FAM78A: variants seen among roughly 807,000 people sequenced by gnomAD.
FAM78A encodes family with sequence similarity 78 member A.
Under a neutral mutation model 22.6 loss-of-function variants are expected in FAM78A, and 12 were observed. The ratio of observed to expected loss-of-function variants is 0.53; its 90% CI spans 0.34 to 0.86. The LOEUF is 0.86. Ranked by LOEUF, FAM78A falls within the 40% of genes least tolerant of loss-of-function variation. The probability of loss-of-function intolerance (pLI) is 0.02; values close to 1 mark genes in which losing one functional copy is unlikely to be tolerated. For synonymous variants in FAM78A, 151 were observed against 155.8 expected (o/e 0.97, Z 0.23); for missense variants, 322 against 396.1 (o/e 0.81, Z 1.59).
rs1047926520 is a variant in FAM78A, at chr9:131,259,784, G to C, written c.*1038C>G. ...CTGTGTGTCGGCGGTCCAGGTGGCC[G>C]GCCCCCAGGCATTTGGGACCAGTGT... On this transcript the variant is annotated 3_prime_UTR_variant, in exon 2 of 2. Coordinates refer to ENST00000372271, the MANE Select transcript of FAM78A (RefSeq NM_033387.4). The C allele has an allele frequency of 6.5e-6, 1 of 152,778 alleles. No individual in the cohort carries two copies. Among genetic ancestry groups the C allele is most frequent in the Non-Finnish European group, 1.5e-5 (1 of 68,226 alleles). 9.5% of individuals were successfully genotyped at this position (152,778 alleles called of 1,614,324 possible).
chr9:131,278,042 AGGC>A (rs906070271), upstream of FAM78A, among the ~76,000 whole-genome samples: 10 of 145,670 alleles, frequency 6.9e-5, no homozygotes, highest in East Asian at 2.1e-4. Flanking sequence ...GCAGGTCCGC[AGGC>A]GGCGGCGGCG....
rs1835435737 is a variant in FAM78A at position 131,272,748 on chromosome 9, C to T, written c.323+3109G>A. The stretch of plus-strand genomic sequence containing the variant: ...GAGTTCGAGACCATCCTGGCCAACG[C>T]GGTGAAACCCCGTCTCTACTAAAAA... On this transcript the variant is annotated intron_variant, in intron 1 of 1. Transcript: ENST00000372271. This position sits in a 1 kb window ranked among gnomAD's most constrained non-coding sequence, Gnocchi z 4.1. Among the ~76,000 whole-genome samples the T allele has an allele frequency of 1.3e-5, 2 of 151,910 alleles. No homozygotes were observed. The highest frequency in any genetic ancestry group is 1.9e-4 in the East Asian group (1 of 5,166).
upstream of FAM78A, among the ~76,000 whole-genome samples, chr9:131,277,656 C>T (rs1250546067): frequency 2.0e-5 from 3 of 151,710 alleles, no homozygotes; most frequent in African/African-American, 7.2e-5. The surrounding 1 kb of genome is among the most constrained non-coding windows in gnomAD (Gnocchi z 8.4). Context: ...GGGCACTGTC[C>T]CTTGGCTCTA....
At chr9:131,278,154 C>G (rs1345634632), upstream of FAM78A, among the ~76,000 whole-genome samples, 4 of 151,938 alleles carry the variant, frequency 2.6e-5, no homozygotes, top group South Asian at 2.1e-4. Flanking sequence ...CCTCGCTCCC[C>G]CTCGCTCCCT....
chr9:131,270,413 TA>T, intron 1 of FAM78A: 1 of 717,610 alleles, frequency 1.4e-6, no homozygotes, highest in Non-Finnish European at 2.6e-6. Context: ...TATCAGTATG[TA>T]ACTTGTCATT....
chr9:131,266,485 A>G (rs531014137), intron 1 of FAM78A, among the ~76,000 whole-genome samples: 2 of 147,872 alleles, frequency 1.4e-5, no homozygotes, highest in African/African-American at 5.0e-5. Context: ...CCTCATCCTC[A>G]TCCTCCTCCT....
chr9:131,280,116 G>A (rs577585963), upstream of FAM78A, among the ~76,000 whole-genome samples: 1 of 152,322 alleles, frequency 6.6e-6, no homozygotes, highest in Non-Finnish European at 1.5e-5. Flanking sequence ...GCAGGAGAAG[G>A]GACCAGGAAG....
chr9:131,264,644 A>T, intron 1 of FAM78A: 1 of 717,028 alleles, frequency 1.4e-6, no homozygotes, highest in Non-Finnish European at 2.6e-6. Flanking sequence ...GGGTGGCATC[A>T]GCAGTTAGAA....
intron 1 of FAM78A, among the ~76,000 whole-genome samples, chr9:131,273,434 GAC>G (rs1298080098): frequency 6.6e-6 from 1 of 152,246 alleles, no homozygotes; most frequent in African/African-American, 2.4e-5. Flanking sequence ...AGCTGGGTGG[GAC>G]ACAGAGGCTC....
chr9:131,270,354 A>T, intron 1 of FAM78A: 1 of 717,584 alleles, frequency 1.4e-6, no homozygotes, highest in Non-Finnish European at 2.6e-6. Context: ...AACACTGGGC[A>T]CGACTGATCT....
chr9:131,277,587 T>C (rs1156443410), upstream of FAM78A, among the ~76,000 whole-genome samples: 1 of 151,418 alleles, frequency 6.6e-6, no homozygotes, highest in Non-Finnish European at 1.5e-5. This position sits in a 1 kb window ranked among gnomAD's most constrained non-coding sequence, Gnocchi z 8.4. Flanking sequence ...GCAGCCGCTC[T>C]CCGGACGCCC....
intron 1 of FAM78A, among the ~76,000 whole-genome samples, chr9:131,269,172 A>C (rs1260242548): frequency 6.6e-6 from 1 of 150,950 alleles, no homozygotes; most frequent in Non-Finnish European, 1.5e-5. Flanking sequence ...GCCCCTCCCC[A>C]TGTGCCCCAT....
At chr9:131,278,170 T>C (rs949096698), upstream of FAM78A, among the ~76,000 whole-genome samples, 1 of 151,364 alleles carries the variant, frequency 6.6e-6, no homozygotes, top group South Asian at 2.1e-4. Flanking sequence ...TCCCTGTCTC[T>C]GCAGCTGCTC....
At chr9:131,264,726 CT>C (rs57794278) in intron 1 of FAM78A, 48,417 of 550,586 alleles carry the variant, frequency 0.088, 1,804 homozygotes, top group African/African-American at 0.3. Context: ...CTTTTCTGAC[CT>C]TTTTTTTTTT....
Position 131,275,109 on chromosome 9 carries a change from G to A in FAM78A, c.323+748C>T, listed in dbSNP as rs929677131. Among the ~76,000 whole-genome samples, 2 of 152,158 alleles carry A rather than the reference G, an allele frequency of 1.3e-5. No individual in the cohort carries two copies. The highest frequency in any genetic ancestry group is 2.9e-5 in the Non-Finnish European group (2 of 68,030). On this transcript the variant is annotated intron_variant, in intron 1 of 1. Coordinates refer to ENST00000372271, the MANE Select transcript of FAM78A (RefSeq NM_033387.4). This position sits in a 1 kb window ranked among gnomAD's most constrained non-coding sequence, Gnocchi z 4.6. ...AGGAAAGGAGCCCCAGGGTCCCAGG[G>A]TCCTCACCGGGACCCCCAATACCCT... is the stretch of plus-strand genomic sequence containing the variant.
In FAM78A at chr9:131,276,220, G is replaced by A. The variant is rs1276719044; in HGVS notation, c.-41C>T. 2 of 1,538,270 alleles carry A rather than the reference G, an allele frequency of 1.3e-6. No individual in the cohort carries two copies. Among genetic ancestry groups the A allele is most frequent in the Non-Finnish European group, 1.8e-6 (2 of 1,128,178 alleles). On this transcript the variant is annotated 5_prime_UTR_variant, in exon 1 of 2. Coordinates refer to ENST00000372271, the MANE Select transcript of FAM78A (RefSeq NM_033387.4). The surrounding 1 kb of genome is among the most constrained non-coding windows in gnomAD (Gnocchi z 4.3). The stretch of plus-strand genomic sequence containing the variant: ...TGCAGGACCCAGTACAGACGGCGCT[G>A]CTCTCCAATCTCAACTCTCAAGACC...
upstream of FAM78A, among the ~76,000 whole-genome samples, chr9:131,277,100 C>G (rs925900475): frequency 2.2e-3 from 331 of 150,970 alleles, 1 homozygote; most frequent in Non-Finnish European, 3.4e-3. The surrounding 1 kb of genome is among the most constrained non-coding windows in gnomAD (Gnocchi z 8.4). Context: ...AGGCGGTGGC[C>G]CCCGCCCCCC....
rs1835323946 is a variant in FAM78A at position 131,264,813 on chromosome 9, TC to T, written c.324-3464del. On this transcript the variant is annotated intron_variant, in intron 1 of 1. Coordinates refer to ENST00000372271, the MANE Select transcript of FAM78A (RefSeq NM_033387.4). ...ATCTCTGCTCACTGCAGCCTCGGCC[TC>T]CCAGGTTCAAGTGATTCTTCTGCCT... is the stretch of plus-strand genomic sequence containing the variant. 5.6e-6 allele frequency: 3 copies of T among 536,690 alleles called. No homozygotes were observed. The South Asian group carries it at 7.3e-5, about 13-fold the overall frequency. 33.2% of individuals were successfully genotyped at this position (536,690 alleles called of 1,614,324 possible). A position where few individuals can be genotyped will look rare whatever the true frequency, so the allele number is the denominator to read the frequency against.
In FAM78A at chr9:131,272,757, C is replaced by T. The variant is rs1028956548; in HGVS notation, c.323+3100G>A. On this transcript the variant is annotated intron_variant, in intron 1 of 1. Transcript: ENST00000372271. This position sits in a 1 kb window ranked among gnomAD's most constrained non-coding sequence, Gnocchi z 4.1. The stretch of plus-strand genomic sequence containing the variant: ...ACCATCCTGGCCAACGCGGTGAAAC[C>T]CCGTCTCTACTAAAAATATAAAAAT... Among the ~76,000 whole-genome samples the T allele has an allele frequency of 4.6e-5, 7 of 152,040 alleles. No homozygotes were observed. Among genetic ancestry groups the T allele is most frequent in the African/African-American group, 1.7e-4 (7 of 41,408 alleles).
Sources: allele counts gnomAD v4.1 joint callset (sites outside exome capture counted in the v4.1 genomes callset), GRCh38; gene constraint gnomAD v4.1.1; non-coding constraint Gnocchi (gnomAD v3.1); transcripts MANE v1.5; gene names NCBI Gene and HGNC (gene_info 2026-07-23, HGNC 2026-07-21).